Variants in CCDC3 observed in about 807,000 individuals in gnomAD.
CCDC3 encodes the protein coiled-coil domain-containing protein 3.
A neutral mutation model predicts 21.4 loss-of-function variants in CCDC3; 24 were observed. The observed-to-expected ratio is 1.12, with a 90% confidence interval of 0.81 to 1.58. The LOEUF is 1.58. Ranked by LOEUF, CCDC3 falls within the 40% of genes most tolerant of loss-of-function variation. The pLI, the probability that CCDC3 is intolerant of heterozygous loss-of-function variation, is 0.00. For missense variants in CCDC3, 425 were observed against 360.9 expected, an observed-to-expected ratio of 1.18 and a Z score of -1.44; for synonymous variants, 186 against 166.0, an observed-to-expected ratio of 1.12 and a Z score of -0.93.
chr10:12,951,088 A>G (rs75710291), intron 2 of CCDC3, among the ~76,000 whole-genome samples: 2 of 152,336 alleles, frequency 1.3e-5, no homozygotes, highest in Non-Finnish European at 2.9e-5. Context: ...GCACTGTGAG[A>G]AATAAAAAGT....
Position 13,057,136 on chromosome 10 carries a change from T to A in CCDC3, c.-269-7195A>T, listed in dbSNP as rs141593116. ...AGCAAGACCCCATCTCTATCAAAAA[T>A]TTTTTTAAATAGCCAGGTGTGGTGG... is the stretch of plus-strand genomic sequence containing the variant. On this transcript the variant is annotated intron_variant, in intron 4 of 6. Transcript: ENST00000378839. Among the ~76,000 whole-genome samples the A allele has an allele frequency of 7.9e-3, 1,206 of 151,788 alleles. 17 individuals carry two copies. The highest frequency in any genetic ancestry group is 0.027 in the African/African-American group (1,121 of 41,398).
chr10:13,094,804 C>T (rs542443533), intron 3 of CCDC3, among the ~76,000 whole-genome samples: 1 of 152,104 alleles, frequency 6.6e-6, no homozygotes, highest in African/African-American at 2.4e-5. Context: ...TTCGAGGCTG[C>T]AGTGAGCCAC....
chr10:13,018,867 T>G (rs1376550522), intron 5 of CCDC3, among the ~76,000 whole-genome samples: 3 of 148,942 alleles, frequency 2.0e-5, no homozygotes, highest in Admixed American at 6.7e-5. Flanking sequence ...ACCTGGGAGG[T>G]GGAGGTTTGC....
intron 3 of CCDC3, among the ~76,000 whole-genome samples, chr10:13,095,226 C>T (rs145207848): frequency 4.6e-5 from 7 of 152,250 alleles, no homozygotes; most frequent in East Asian, 1.9e-4. Flanking sequence ...AACTCATCCT[C>T]GGAATATTTG....
chr10:13,052,150 G>C (rs1225652854), intron 4 of CCDC3, among the ~76,000 whole-genome samples: 2 of 152,116 alleles, frequency 1.3e-5, no homozygotes, highest in African/African-American at 4.8e-5. Context: ...TGAGAAGCAG[G>C]GATTGCTTAA....
intron 3 of CCDC3, among the ~76,000 whole-genome samples, chr10:13,093,494 T>A (rs1433687950): frequency 6.6e-6 from 1 of 152,156 alleles, no homozygotes; most frequent in African/African-American, 2.4e-5. Flanking sequence ...TAAGTCAACC[T>A]CTACAGAAGG....
intron 5 of CCDC3, among the ~76,000 whole-genome samples, chr10:13,038,982 G>A (rs1471121142): frequency 6.6e-6 from 1 of 152,094 alleles, no homozygotes; most frequent in East Asian, 1.9e-4. Flanking sequence ...CCTAAACAGG[G>A]GTCCCTGGAG....
At position 12,918,973 on chromosome 10, in the gene CCDC3, G is replaced by A. The variant is rs183330931; in HGVS notation, c.550-20294C>T. 3.2e-4 allele frequency among the ~76,000 whole-genome samples: 48 copies of A among 152,064 alleles called. No homozygotes were observed. The East Asian group carries it at 7.6e-3, about 24-fold the overall frequency. On this transcript the variant is annotated intron_variant, in intron 2 of 2. Transcript: ENST00000378825. ...GGGAGGCTGAGGCAGGAGAATGGGC[G>A]TGAACCCGGGAGGCGGAGCTTGCAG...
chr10:12,957,896 A>G (rs1165911704), intron 2 of CCDC3, among the ~76,000 whole-genome samples: 1 of 152,074 alleles, frequency 6.6e-6, no homozygotes, highest in African/African-American at 2.4e-5. Context: ...CCCAGGCTGG[A>G]GTGCAGTGGC....
chr10:13,002,770 C>A (rs1269624113), upstream of CCDC3, among the ~76,000 whole-genome samples: 2 of 152,178 alleles, frequency 1.3e-5, no homozygotes, highest in African/African-American at 4.8e-5. Flanking sequence ...AAATAACAGA[C>A]CTTACTTTCT....
At chr10:12,942,460 C>G (rs1458302029) in intron 2 of CCDC3, among the ~76,000 whole-genome samples, 2 of 152,190 alleles carry the variant, frequency 1.3e-5, no homozygotes, top group Non-Finnish European at 2.9e-5. Flanking sequence ...AAGCTACAGA[C>G]ATAGAAAAGC....
chr10:13,098,808 C>T (rs903216453), intron 2 of CCDC3, among the ~76,000 whole-genome samples: 17 of 143,598 alleles, frequency 1.2e-4, no homozygotes, highest in African/African-American at 3.9e-4. Flanking sequence ...GCTCTGCCTC[C>T]CGGGTTCAAG....
At chr10:12,925,010 G>C (rs1004424976) in intron 2 of CCDC3, among the ~76,000 whole-genome samples, 14 of 152,214 alleles carry the variant, frequency 9.2e-5, no homozygotes, top group Admixed American at 5.9e-4. Flanking sequence ...CACAGGTGGG[G>C]ACAGTAGATT....
At chr10:13,047,952 G>C (rs1836550124) in intron 5 of CCDC3, among the ~76,000 whole-genome samples, 2 of 152,192 alleles carry the variant, frequency 1.3e-5, no homozygotes, top group African/African-American at 2.4e-5. Context: ...AAGCAGGCTG[G>C]AGGGAAAGGA....
chr10:12,939,368 C>T (rs1436756228), intron 2 of CCDC3, among the ~76,000 whole-genome samples: 4 of 152,210 alleles, frequency 2.6e-5, no homozygotes, highest in African/African-American at 4.8e-5. Flanking sequence ...CAGTGGCTCA[C>T]GCCTGTAGTC....
intron 2 of CCDC3, among the ~76,000 whole-genome samples, chr10:12,981,806 C>T (rs934936074): frequency 6.6e-6 from 1 of 151,882 alleles, no homozygotes. Context: ...ATAGTGATAC[C>T]ACATGATTAT....
At chr10:12,969,030 A>T (rs994876486) in intron 2 of CCDC3, among the ~76,000 whole-genome samples, 1 of 152,208 alleles carries the variant, frequency 6.6e-6, no homozygotes, top group Non-Finnish European at 1.5e-5. Flanking sequence ...TAAACAGATT[A>T]AAATCTCCTA....
chr10:12,898,560 C>G lies in CCDC3; in HGVS notation c.669G>C (p.Lys223Asn). The G allele has an allele frequency of 6.2e-7, 1 of 1,614,156 alleles. No homozygotes were observed. The highest frequency in any genetic ancestry group is 8.5e-7 in the Non-Finnish European group (1 of 1,179,968). Residue 223 changes from lysine (K) to asparagine (N), a missense_variant, in exon 3 of 3, where the codon AAG becomes AAC. Coordinates refer to ENST00000378825, the MANE Select transcript of CCDC3 (RefSeq NM_031455.4). ...GCGCCTGCCGCAAGGACCTCTTGAC[C>G]TTCTTCACTCGCTCCCGGAGCTGCC... Reference protein sequence around the residue: ...RNRQLRERVKKVKRSLRQARK... With the variant: ...RNRQLRERVKNVKRSLRQARK...
intron 5 of CCDC3, among the ~76,000 whole-genome samples, chr10:13,015,820 A>G (rs1002388478): frequency 2.0e-5 from 3 of 152,004 alleles, no homozygotes; most frequent in African/African-American, 4.8e-5. Flanking sequence ...GTTCGGTGAA[A>G]GAGGGGATGG....
Sources: gnomAD v4.1 joint callset for allele counts (sites outside exome capture counted in the v4.1 genomes callset) on GRCh38, gnomAD v4.1.1 for gene constraint, MANE v1.5 for transcripts, NCBI Gene and HGNC (gene_info 2026-07-23, HGNC 2026-07-21) for gene names.